The following PCDH15 variants were observed in gnomAD, a reference collection of about 807,000 sequenced individuals.
The protein encoded by PCDH15 is protocadherin related 15, also known as protocadherin-15.
Under a neutral mutation model 178.5 loss-of-function variants are expected in PCDH15, and 129 were observed. The ratio of observed to expected loss-of-function variants is 0.72; its 90% CI spans 0.63 to 0.84. The LOEUF is 0.84. Among genes scored for constraint, PCDH15 ranks in the 40% least tolerant of loss-of-function variants. The pLI, the probability that PCDH15 is intolerant of heterozygous loss-of-function variation, is 0.00. For missense variants in PCDH15, 2,230 were observed against 2,099.9 expected (o/e 1.06, Z -1.21); for synonymous variants, 800 against 732.0 (o/e 1.09, Z -1.50).
At chr10:55,388,299 C>G (rs1260241329) in intron 2 of PCDH15, among the ~76,000 whole-genome samples, 1 of 152,014 alleles carries the variant, frequency 6.6e-6, no homozygotes, top group East Asian at 1.9e-4. Context: ...TGGATTCATT[C>G]TAGATCTATA....
intron 1 of PCDH15, among the ~76,000 whole-genome samples, chr10:54,709,728 AATAT>A (rs1348255098): frequency 2.7e-5 from 4 of 147,616 alleles, no homozygotes; most frequent in African/African-American, 9.8e-5. Context: ...ACATATCTAA[AATAT>A]ATATATTCAT....
At chr10:55,053,328 T>C (rs1416487827) in intron 2 of PCDH15, among the ~76,000 whole-genome samples, 1 of 152,148 alleles carries the variant, frequency 6.6e-6, no homozygotes, top group Non-Finnish European at 1.5e-5. Context: ...CCAATTCCAC[T>C]TGTATAAAAG....
At chr10:54,734,154 T>C (rs2132696408) in intron 1 of PCDH15, among the ~76,000 whole-genome samples, 1 of 151,590 alleles carries the variant, frequency 6.6e-6, no homozygotes, top group East Asian at 1.9e-4. Context: ...TTAGAAAAAA[T>C]ATGTATTTGT....
At chr10:54,194,602 TTA>T (rs1281929135) in intron 11 of PCDH15, among the ~76,000 whole-genome samples, 5 of 84,288 alleles carry the variant, frequency 5.9e-5, no homozygotes, top group Admixed American at 1.3e-4. Context: ...ACTTGCTGTT[TTA>T]TATATATGTG....
intron 8 of PCDH15, among the ~76,000 whole-genome samples, chr10:54,285,622 A>G (rs1591588251): frequency 6.6e-6 from 1 of 152,194 alleles, no homozygotes; most frequent in Non-Finnish European, 1.5e-5. Context: ...TGTTTGTGGG[A>G]ATGTAAATTA....
At chr10:54,767,453 C>G (rs1375554449) in intron 1 of PCDH15, among the ~76,000 whole-genome samples, 4 of 152,048 alleles carry the variant, frequency 2.6e-5, no homozygotes, top group Admixed American at 6.5e-5. Flanking sequence ...ATTACATAGA[C>G]AGTCCACACT....
intron 2 of PCDH15, among the ~76,000 whole-genome samples, chr10:55,415,883 GT>G (rs551656685): frequency 2.0e-5 from 3 of 151,646 alleles, no homozygotes; most frequent in Admixed American, 1.3e-4. Context: ...TTTTGAGGTT[GT>G]TCCATGAAAA....
intron 21 of PCDH15, among the ~76,000 whole-genome samples, chr10:53,986,806 G>C (rs1484203205): frequency 1.3e-5 from 2 of 152,190 alleles, no homozygotes; most frequent in African/African-American, 4.8e-5. Flanking sequence ...GGTTGTCAGG[G>C]GCTAAGGGAA....
chr10:54,634,304 T>C (rs2093787223), intron 2 of PCDH15, among the ~76,000 whole-genome samples: 1 of 152,144 alleles, frequency 6.6e-6, no homozygotes, highest in Non-Finnish European at 1.5e-5. Flanking sequence ...CTGCTTTCTA[T>C]ACTTATAAAT....
chr10:55,339,152 T>C (rs1283194093), intron 2 of PCDH15, among the ~76,000 whole-genome samples: 1 of 152,166 alleles, frequency 6.6e-6, no homozygotes, highest in African/African-American at 2.4e-5. Flanking sequence ...TGGAATTTTC[T>C]TAACACAAAG....
intron 1 of PCDH15, among the ~76,000 whole-genome samples, chr10:54,746,926 CATTGGGTTTAT>C (rs1945540856): frequency 6.6e-6 from 1 of 152,150 alleles, no homozygotes; most frequent in Non-Finnish European, 1.5e-5. Context: ...TTTGACTTTA[CATTGGGTTTAT>C]CAGAGTATTA....
chr10:54,261,876 C>T (rs1027934149), intron 8 of PCDH15, among the ~76,000 whole-genome samples: 4 of 152,122 alleles, frequency 2.6e-5, no homozygotes, highest in Middle Eastern at 3.2e-3. Flanking sequence ...TAAACCGTCA[C>T]ATTTTAAACA....
chr10:55,253,354 G>C (rs999947350), intron 1 of PCDH15, among the ~76,000 whole-genome samples: 12 of 152,120 alleles, frequency 7.9e-5, no homozygotes, highest in Admixed American at 5.9e-4. Flanking sequence ...AGCTGAGCTG[G>C]ACAACTCCTA....
chr10:54,962,188 C>T (rs1838674563), intron 2 of PCDH15, among the ~76,000 whole-genome samples: 1 of 152,234 alleles, frequency 6.6e-6, no homozygotes, highest in South Asian at 2.1e-4. Flanking sequence ...TGCTCCTGGA[C>T]TGTAGGAGTG....
chr10:54,139,747 G>A (rs901235750), intron 14 of PCDH15, among the ~76,000 whole-genome samples: 1 of 152,070 alleles, frequency 6.6e-6, no homozygotes, highest in Non-Finnish European at 1.5e-5. Flanking sequence ...GGCTTGAAAT[G>A]GTTAGTTATG....
chr10:55,140,715 A>G (rs1838329214), intron 2 of PCDH15, among the ~76,000 whole-genome samples: 1 of 151,958 alleles, frequency 6.6e-6, no homozygotes, highest in African/African-American at 2.4e-5. Context: ...CATTGGGTAG[A>G]CTTCTCCAGT....
At position 55,487,688 on chromosome 10, in the gene PCDH15, A is replaced by T. The variant is rs192759543; in HGVS notation, c.-156+139937T>A. 1.1e-3 allele frequency among the ~76,000 whole-genome samples: 163 copies of T among 151,756 alleles called. 1 individual carries two copies. The highest frequency in any genetic ancestry group is 3.9e-3 in the African/African-American group (161 of 41,486). ...GATGGCACAATAACATGCAATATTT[A>T]ATTTCAGTTGGCTACTTATTAGATT... On this transcript the variant is annotated intron_variant, in intron 2 of 5. Coordinates refer to the PCDH15 transcript ENST00000613346.
intron 3 of PCDH15, among the ~76,000 whole-genome samples, chr10:54,499,798 G>A (rs2080485662): frequency 6.6e-6 from 1 of 152,048 alleles, no homozygotes; most frequent in Non-Finnish European, 1.5e-5. Flanking sequence ...CTGAAAGCTA[G>A]CAGAAGTAAA....
intron 2 of PCDH15, among the ~76,000 whole-genome samples, chr10:54,976,272 G>A (rs1839068349): frequency 6.6e-6 from 1 of 152,064 alleles, no homozygotes; most frequent in African/African-American, 2.4e-5. Context: ...TAGAACTATT[G>A]TCTAATTGTC....
Sources: allele counts gnomAD v4.1 joint callset (sites outside exome capture counted in the v4.1 genomes callset), GRCh38; gene constraint gnomAD v4.1.1; transcripts MANE v1.5; gene names NCBI Gene and HGNC (gene_info 2026-07-23, HGNC 2026-07-21).